The following SCAF1 variants were observed in gnomAD, a reference collection of about 807,000 sequenced individuals.
SCAF1 encodes splicing factor, arginine/serine-rich 19.
Under a neutral mutation model 91.2 loss-of-function variants are expected in SCAF1, and 28 were observed. That is an observed-to-expected ratio of 0.31 (90% CI 0.23 to 0.42). The LOEUF is 0.42. Among genes scored for constraint, SCAF1 ranks in the 10% least tolerant of loss-of-function variants. The probability of loss-of-function intolerance (pLI) is 1.00; values close to 1 mark genes in which losing one functional copy is unlikely to be tolerated. For missense variants in SCAF1, 1,893 were observed against 1,872.1 expected (o/e 1.01, Z -0.21); for synonymous variants, 1,036 against 833.7 (o/e 1.24, Z -4.18).
intron 6 of SCAF1, among the ~76,000 whole-genome samples, chr19:49,647,087 C>T (rs965280765): frequency 6.6e-6 from 1 of 152,216 alleles, no homozygotes; most frequent in African/African-American, 2.4e-5. Flanking sequence ...CTGCACTGGG[C>T]GTTCATCTCC....
intron 6 of SCAF1, among the ~76,000 whole-genome samples, chr19:49,648,801 T>C (rs1401526395): frequency 6.6e-6 from 1 of 151,796 alleles, no homozygotes; most frequent in Non-Finnish European, 1.5e-5. Flanking sequence ...TGAAACCCTG[T>C]CTCCATTAAA....
At chr19:49,653,788 G>A (rs942200931) in intron 7 of SCAF1, 83 bp downstream of exon 7, 321 of 1,328,924 alleles carry the variant, frequency 2.4e-4, no homozygotes, top group Non-Finnish European at 3.1e-4. Flanking sequence ...AGGCAGTGGG[G>A]TGCCCTGGCA....
Position 49,651,283 on chromosome 19 carries a change from G to C in SCAF1, c.894G>C (p.Ser298=). ...TGTCCCAGAGCATCAGCCGCATCTC[G>C]GAGACCCTGGCGGGCATCTACGATG... ...EGLSQSISRI[S]ETLAGIYDDN... Residue 298 remains serine, a synonymous_variant, in exon 7 of 11, where the codon TCG becomes TCC. Transcript: ENST00000360565. The C allele has an allele frequency of 6.2e-7, 1 of 1,611,636 alleles. No individual in the cohort carries two copies. Among genetic ancestry groups the C allele is most frequent in the Non-Finnish European group, 8.5e-7 (1 of 1,179,776 alleles).
At position 49,645,916 on chromosome 19, in the gene SCAF1, G is replaced by A. The variant is rs2081051986; in HGVS notation, c.167-192G>A. Reference sequence around the variant, plus strand: ...GGTGTCTGAGGGCAGACAGGAGGACGAATGGCTGAGCGTCGCAGCCTCTGA... The same window carrying A: ...GGTGTCTGAGGGCAGACAGGAGGACAAATGGCTGAGCGTCGCAGCCTCTGA... On this transcript the variant is annotated intron_variant, in intron 3 of 10. Coordinates refer to ENST00000360565, the MANE Select transcript of SCAF1 (RefSeq NM_021228.3). This position sits in a 1 kb window ranked among gnomAD's most constrained non-coding sequence, Gnocchi z 4.6. Among the ~76,000 whole-genome samples, 1 of 152,128 alleles carries A rather than the reference G, an allele frequency of 6.6e-6. No homozygotes were observed. Among genetic ancestry groups the A allele is most frequent in the South Asian group, 2.1e-4 (1 of 4,832 alleles).
chr19:49,656,525 G>A (rs1377422327), intron 9 of SCAF1, among the ~76,000 whole-genome samples: 2 of 152,222 alleles, frequency 1.3e-5, no homozygotes, highest in African/African-American at 4.8e-5. Context: ...TGTGCCTGCA[G>A]AAGGCCTGTT....
chr19:49,654,448 G>T lies in SCAF1; in HGVS notation c.3399+17G>T. On this transcript the variant is annotated intron_variant, in intron 8 of 10. Transcript: ENST00000360565. ...ACCAACCAGGTGGGCTCCCCTGGGG[G>T]AGAGTCCCTGCCGCCCCTTCTTTTG... 6.2e-7 allele frequency: 1 copy of T among 1,609,494 alleles called. No individual in the cohort carries two copies. The highest frequency in any genetic ancestry group is 8.5e-7 in the Non-Finnish European group (1 of 1,176,874).
At chr19:49,643,668 T>A (rs962436327) in intron 1 of SCAF1, among the ~76,000 whole-genome samples, 2 of 152,180 alleles carry the variant, frequency 1.3e-5, no homozygotes. Flanking sequence ...AGTCAGCAGA[T>A]GTTGATTAAG....
intron 6 of SCAF1, among the ~76,000 whole-genome samples, chr19:49,649,211 C>T (rs2081071997): frequency 1.3e-5 from 2 of 152,150 alleles, no homozygotes; most frequent in African/African-American, 4.8e-5. Flanking sequence ...ACCCATAATC[C>T]TGTCCCATAC....
intron 6 of SCAF1, among the ~76,000 whole-genome samples, chr19:49,649,273 T>C (rs1319880184): frequency 6.6e-6 from 1 of 152,050 alleles, no homozygotes; most frequent in Non-Finnish European, 1.5e-5. Context: ...CGCTCTAGTC[T>C]GTGGAGAGTA....
At position 49,651,876 on chromosome 19, in the gene SCAF1, A is replaced by G; in HGVS notation, c.1487A>G (p.Gln496Arg). Reference protein sequence around the residue: ...ILTQRRERYRQRSPSPAPAPA... With the variant: ...ILTQRRERYRRRSPSPAPAPA... ...ACCCAACGGCGGGAGCGCTACCGCC[A>G]GCGCTCGCCCTCCCCGGCGCCCGCG... Residue 496 changes from glutamine to arginine, a missense_variant, in exon 7 of 11, where the codon CAG becomes CGG. Physicochemically the swap from Gln to Arg is conservative, Grantham distance 43. This residue lies in a region of SCAF1 where 1,436 missense variants were observed against 1,306.8 expected (regional missense o/e 1.10). Coordinates refer to ENST00000360565, the MANE Select transcript of SCAF1 (RefSeq NM_021228.3). 1 of 1,217,390 alleles carries G rather than the reference A, an allele frequency of 8.2e-7. No homozygotes were observed. 75.4% of individuals were successfully genotyped at this position (1,217,390 alleles called of 1,614,324 possible). A position where few individuals can be genotyped will look rare whatever the true frequency, so the allele number is the denominator to read the frequency against.
chr19:49,648,026 C>T (rs867193019), intron 6 of SCAF1, among the ~76,000 whole-genome samples: 5 of 151,990 alleles, frequency 3.3e-5, no homozygotes, highest in Non-Finnish European at 5.9e-5. Context: ...TCAAATTCCC[C>T]GGTTCAAGTT....
Position 49,658,334 on chromosome 19 carries a change from C to G in SCAF1, c.3874C>G (p.Arg1292Gly), listed in dbSNP as rs764012931. 4 of 1,587,972 alleles carry G rather than the reference C, an allele frequency of 2.5e-6. No homozygotes were observed. The highest frequency in any genetic ancestry group is 1.1e-5 in the South Asian group (1 of 88,558). Residue 1292 changes from arginine (R) to glycine (G), a missense_variant, in exon 11 of 11, where the codon CGG becomes GGG. Physicochemically the swap from Arg to Gly is moderately radical, Grantham distance 125. Transcript: ENST00000360565. ...GCCAGGGGACCCCCCAGGGCCCCCA[C>G]GGCCGCCCAAGGAGCCAGGGCCCCC... ...RKPGDPPGPP[R>G]PPKEPGPPDK...
intron 9 of SCAF1, among the ~76,000 whole-genome samples, chr19:49,656,945 A>G (rs775801509): frequency 3.1e-4 from 47 of 152,216 alleles, no homozygotes; most frequent in Non-Finnish European, 6.3e-4. Flanking sequence ...GCTTGAGCCC[A>G]GGAGTTCAAG....
At chr19:49,657,232 C>A (rs1568447015) in intron 9 of SCAF1, among the ~76,000 whole-genome samples, 1 of 152,274 alleles carries the variant, frequency 6.6e-6, no homozygotes, top group African/African-American at 2.4e-5. Flanking sequence ...AGTGGCAGAC[C>A]AGGCTTCTGA....
rs1259953596 is a variant in SCAF1 at position 49,654,634 on chromosome 19, T to C, written c.3400-18T>C. The C allele has an allele frequency of 2.5e-6, 4 of 1,597,264 alleles. No homozygotes were observed. In the Admixed American group the frequency reaches 5.1e-5, roughly 20 times the overall value. On this transcript the variant is annotated intron_variant, in intron 8 of 10. Transcript: ENST00000360565. ...TCCACCTCCCTTTACTCATCACCCC[T>C]CTGTCCTCGTCCCACAGATCCTCAG...
At position 49,653,639 on chromosome 19, in the gene SCAF1, T is replaced by C. The variant is rs10401743; in HGVS notation, c.3250T>C (p.Leu1084=). ...PASRVSQLPT[L]PPPMPWNLPA... is the part of the protein sequence containing the mutation. ...TTCCCGTGTCTCCCAGCTGCCCACG[T>C]TGCCCCCGCCCATGCCCTGGAATCT... Residue 1084 remains leucine (L), a synonymous_variant, in exon 7 of 11, where the codon TTG becomes CTG. Coordinates refer to ENST00000360565, the MANE Select transcript of SCAF1 (RefSeq NM_021228.3). The C allele has an allele frequency of 0.93, 1,476,765 of 1,585,574 alleles. 688,055 individuals carry two copies. Among genetic ancestry groups the C allele is most frequent in the East Asian group, 1 (44,007 of 44,012 alleles).
At chr19:49,655,570 T>C (rs910996745) in intron 9 of SCAF1, among the ~76,000 whole-genome samples, 3 of 152,196 alleles carry the variant, frequency 2.0e-5, no homozygotes, top group Non-Finnish European at 4.4e-5. Flanking sequence ...TTTCACCACG[T>C]TGGCCAGGCT....
rs1243932567 is a variant in SCAF1, at chr19:49,645,800, G to A, written c.167-308G>A. On this transcript the variant is annotated intron_variant, in intron 3 of 10. Coordinates refer to ENST00000360565, the MANE Select transcript of SCAF1 (RefSeq NM_021228.3). The surrounding 1 kb of genome is among the most constrained non-coding windows in gnomAD (Gnocchi z 4.6). ...GAGGGGCTGCGCTGGGCTTCCTTGG[G>A]GCTGGCATGCAGGAGGGTGTGAGTG... 6.6e-6 allele frequency among the ~76,000 whole-genome samples: 1 copy of A among 152,186 alleles called. No homozygotes were observed. The highest frequency in any genetic ancestry group is 1.5e-5 in the Non-Finnish European group (1 of 68,014).
In SCAF1 at chr19:49,653,094, T is replaced by A. The variant is rs1488439635; in HGVS notation, c.2705T>A (p.Val902Asp). Residue 902 changes from valine (V) to aspartate (D), a missense_variant, in exon 7 of 11, where the codon GTC becomes GAC. Val to Asp is a radical substitution (Grantham distance 152). Transcript: ENST00000360565. ...AGCACCAAGCCCAAAAAGACCAAGG[T>A]CAAGGCCAAGGCAGGGGCCAAGAAA... ...PGSTKPKKTK[V>D]KAKAGAKKTK... 6.2e-7 allele frequency: 1 copy of A among 1,611,652 alleles called. No homozygotes were observed. Among genetic ancestry groups the A allele is most frequent in the Non-Finnish European group, 8.5e-7 (1 of 1,179,224 alleles).
Sources: allele counts gnomAD v4.1 joint callset (sites outside exome capture counted in the v4.1 genomes callset), GRCh38; gene constraint gnomAD v4.1.1; regional missense constraint gnomAD v4.1.1; non-coding constraint Gnocchi (gnomAD v3.1); transcripts MANE v1.5; gene names NCBI Gene and HGNC (gene_info 2026-07-23, HGNC 2026-07-21).